SNX9: variants seen among roughly 807,000 people sequenced by gnomAD.
SNX9 encodes sorting nexin 9.
In SNX9, 44 loss-of-function variants were observed where a neutral mutation model predicts 89.4. That is an observed-to-expected ratio of 0.49 (90% CI 0.39 to 0.63). The LOEUF (loss-of-function observed/expected upper bound fraction) is 0.63, where lower values mean the gene tolerates loss of function less well. Among genes scored for constraint, SNX9 ranks in the 30% least tolerant of loss-of-function variants. The pLI, the probability that SNX9 is intolerant of heterozygous loss-of-function variation, is 0.00. For synonymous variants in SNX9, 236 were observed against 247.8 expected (o/e 0.95, Z 0.45); for missense variants, 578 against 736.1 (o/e 0.79, Z 2.49).
intron 1 of SNX9, among the ~76,000 whole-genome samples, chr6:157,866,815 T>A (rs568760632): frequency 3.9e-5 from 6 of 152,120 alleles, no homozygotes; most frequent in Admixed American, 2.6e-4. Context: ...TAGATGTGTG[T>A]GCGTGTGTGT....
At chr6:157,857,205 A>T (rs1782030258) in intron 1 of SNX9, among the ~76,000 whole-genome samples, 1 of 152,224 alleles carries the variant, frequency 6.6e-6, no homozygotes, top group East Asian at 1.9e-4. Context: ...ATTCTTCCAC[A>T]TTTGGACAGC....
chr6:157,860,528 C>T (rs1304741010), intron 1 of SNX9, among the ~76,000 whole-genome samples: 4 of 152,246 alleles, frequency 2.6e-5, no homozygotes, highest in Non-Finnish European at 5.9e-5. Context: ...ACTTGGTAAT[C>T]GTGATGGTAC....
intron 1 of SNX9, among the ~76,000 whole-genome samples, chr6:157,855,025 C>T (rs1781982496): frequency 6.6e-6 from 1 of 151,194 alleles, no homozygotes; most frequent in African/African-American, 2.4e-5. Context: ...TTTCCTATCT[C>T]TCCTCTCCTT....
intron 1 of SNX9, among the ~76,000 whole-genome samples, chr6:157,866,169 C>G (rs146041071): frequency 1.2e-3 from 179 of 152,252 alleles, no homozygotes; most frequent in African/African-American, 3.3e-3. Context: ...CAGCAGTGTT[C>G]CAAGGAGTCA....
intron 9 of SNX9, among the ~76,000 whole-genome samples, chr6:157,912,824 A>G (rs1783378937): frequency 6.6e-6 from 1 of 152,228 alleles, no homozygotes; most frequent in Non-Finnish European, 1.5e-5. Context: ...ACATATTCAT[A>G]TACTTAGTGA....
intron 2 of SNX9, among the ~76,000 whole-genome samples, chr6:157,870,139 G>A (rs570090035): frequency 4.0e-5 from 6 of 148,608 alleles, no homozygotes; most frequent in South Asian, 2.1e-4. Flanking sequence ...ACACATGTGA[G>A]CACACACACC....
At chr6:157,909,012 A>C (rs2115178290) in intron 7 of SNX9, among the ~76,000 whole-genome samples, 1 of 152,302 alleles carries the variant, frequency 6.6e-6, no homozygotes, top group South Asian at 2.1e-4. Context: ...GGAAGAAAAC[A>C]GCTAGCCTGG....
At chr6:157,913,463 C>G (rs971445392) in intron 9 of SNX9, among the ~76,000 whole-genome samples, 2 of 152,074 alleles carry the variant, frequency 1.3e-5, no homozygotes, top group Non-Finnish European at 2.9e-5. Context: ...CATTGCCTGG[C>G]TTATACTCAT....
At chr6:157,825,499 G>C (rs1781326392) in intron 1 of SNX9, among the ~76,000 whole-genome samples, 1 of 152,114 alleles carries the variant, frequency 6.6e-6, no homozygotes, top group Non-Finnish European at 1.5e-5. Context: ...ATCTCGAATT[G>C]CATGTGTCTT....
rs116616143 is a variant in SNX9, at chr6:157,882,679, A to G, written c.300+7503A>G. Among the ~76,000 whole-genome samples, 1,314 of 152,330 alleles carry G rather than the reference A, an allele frequency of 8.6e-3. 26 individuals carry two copies. Among genetic ancestry groups the G allele is most frequent in the African/African-American group, 0.029 (1,198 of 41,570 alleles). On this transcript the variant is annotated intron_variant, in intron 4 of 17. Transcript: ENST00000392185. ...AGATGTTCATGAAGGAAGTAACTGC[A>G]GATGTGGTAGAAATACTAAGAGAAC...
chr6:157,900,525 G>C lies in SNX9; in HGVS notation c.473-1373G>C, dbSNP rs183943613. ...AGATAGCGAAAGCTGGGTCCGGGGG[G>C]GTCACTGCCTTCTGGTCCTGCAGTG... On this transcript the variant is annotated intron_variant, in intron 5 of 17. Transcript: ENST00000392185. Among the ~76,000 whole-genome samples, 3 of 152,158 alleles carry C rather than the reference G, an allele frequency of 2.0e-5. No homozygotes were observed. The South Asian group carries it at 6.2e-4, about 32-fold the overall frequency.
At chr6:157,895,391 G>T (rs895534094) in intron 4 of SNX9, among the ~76,000 whole-genome samples, 1 of 152,150 alleles carries the variant, frequency 6.6e-6, no homozygotes. Context: ...TTAAAAAGTT[G>T]CTCTATTCCC....
At chr6:157,918,251 C>T (rs1169653286) in intron 9 of SNX9, among the ~76,000 whole-genome samples, 1 of 152,074 alleles carries the variant, frequency 6.6e-6, no homozygotes, top group Non-Finnish European at 1.5e-5. Flanking sequence ...CCTTTTAATT[C>T]TGTCACTTTG....
intron 9 of SNX9, among the ~76,000 whole-genome samples, chr6:157,914,458 A>ATT (rs1783415920): frequency 3.6e-5 from 4 of 110,578 alleles, no homozygotes; most frequent in African/African-American, 1.1e-4. Context: ...TTGGCTTGTC[A>ATT]TTTTCTTTTT....
At chr6:157,840,420 T>TTTCTTTCTTTCCTTTCCTTCC (rs199981713) in intron 1 of SNX9, among the ~76,000 whole-genome samples, 13 of 118,666 alleles carry the variant, frequency 1.1e-4, no homozygotes, top group African/African-American at 4.0e-4. Context: ...TCTTTCTTTC[T>TTTCTTTCTTTCCTTTCCTTCC]TTTCTTTCTT....
chr6:157,899,392 T>A (rs1783047053), intron 5 of SNX9, among the ~76,000 whole-genome samples: 1 of 152,192 alleles, frequency 6.6e-6, no homozygotes, highest in Non-Finnish European at 1.5e-5. Context: ...ACTAGATTTA[T>A]CAGTGTCTAG....
chr6:157,897,825 G>C (rs1357992552), intron 5 of SNX9, among the ~76,000 whole-genome samples: 1 of 152,170 alleles, frequency 6.6e-6, no homozygotes, highest in African/African-American at 2.4e-5. Flanking sequence ...CGGCATGATT[G>C]ATTATTAACT....
At position 157,897,479 on chromosome 6, in the gene SNX9, G is replaced by A. The variant is rs199554067; in HGVS notation, c.472+481G>A. Among the ~76,000 whole-genome samples the A allele has an allele frequency of 1.1e-4, 16 of 152,108 alleles. No individual in the cohort carries two copies. In the East Asian group the frequency reaches 1.5e-3, roughly 15 times the overall value. ...CCTGTAGCTCAAGGATTTTTACGGC[G>A]GTTTCATCACATAGGCATGATCGAT... On this transcript the variant is annotated intron_variant, in intron 5 of 17. Coordinates refer to ENST00000392185, the MANE Select transcript of SNX9 (RefSeq NM_016224.5).
At chr6:157,942,364 G>A (rs1406478537) in intron 17 of SNX9, among the ~76,000 whole-genome samples, 3 of 152,196 alleles carry the variant, frequency 2.0e-5, no homozygotes, top group South Asian at 2.1e-4. Context: ...AGGCAGGCTC[G>A]TGCTGTCTGC....
Sources: gnomAD v4.1 joint callset for allele counts (sites outside exome capture counted in the v4.1 genomes callset) on GRCh38, gnomAD v4.1.1 for gene constraint, MANE v1.5 for transcripts, NCBI Gene and HGNC (gene_info 2026-07-23, HGNC 2026-07-21) for gene names.